NUP188: variants seen among roughly 807,000 people sequenced by gnomAD.
The protein encoded by NUP188 is nucleoporin NUP188.
A neutral mutation model predicts 223.0 loss-of-function variants in NUP188; 97 were observed. That is an observed-to-expected ratio of 0.43 (90% CI 0.37 to 0.51). The LOEUF is 0.51. NUP188 is among the 20% of genes least tolerant of loss of function. NUP188 has a pLI of 0.00. For synonymous variants in NUP188, 869 were observed against 828.0 expected (o/e 1.05, Z -0.85); for missense variants, 1,947 against 2,175.6 (o/e 0.89, Z 2.09).
intron 30 of NUP188, among the ~76,000 whole-genome samples, chr9:128,997,947 C>G (rs1447645097): frequency 1.3e-5 from 2 of 151,216 alleles, no homozygotes; most frequent in Non-Finnish European, 2.9e-5. Context: ...TCTTGATCTC[C>G]TGACCTCGTG....
intron 33 of NUP188, 87 bp from the exon 34 acceptor site, chr9:128,999,537 C>G (rs760547340): frequency 7.2e-6 from 10 of 1,398,566 alleles, no homozygotes; most frequent in Non-Finnish European, 9.9e-6. Flanking sequence ...TAGTACATCT[C>G]CAGCCCCTTC....
chr9:128,993,138 G>T, intron 25 of NUP188, 59 bp from the exon 26 acceptor site: 1 of 1,405,696 alleles, frequency 7.1e-7, no homozygotes, highest in Non-Finnish European at 1.0e-6. Context: ...TTCTGTGGGA[G>T]CCCATTGAGG....
At chr9:128,988,277 A>G in intron 24 of NUP188, 91 bp downstream of exon 24, 1 of 1,400,604 alleles carries the variant, frequency 7.1e-7, no homozygotes, top group Non-Finnish European at 9.9e-7. Flanking sequence ...GTGTTTTTGG[A>G]TGTCAACAGT....
At chr9:128,977,341 G>A (rs1447371130) in intron 12 of NUP188, among the ~76,000 whole-genome samples, 2 of 151,690 alleles carry the variant, frequency 1.3e-5, no homozygotes, top group Non-Finnish European at 2.9e-5. Flanking sequence ...GGATGGTCTC[G>A]ATCTCCTGAC....
intron 5 of NUP188, 75 bp from the exon 6 acceptor site, chr9:128,957,935 A>C (rs1043789827): frequency 9.6e-6 from 10 of 1,038,348 alleles, no homozygotes; most frequent in Non-Finnish European, 1.5e-5. Flanking sequence ...GGATGAAGTG[A>C]AGGTATCTAT....
rs150586963 is a variant in NUP188, at chr9:128,992,356, C to A, written c.2641-841C>A. 2.2e-3 allele frequency among the ~76,000 whole-genome samples: 330 copies of A among 152,250 alleles called. 4 individuals carry two copies. Among genetic ancestry groups the A allele is most frequent in the African/African-American group, 7.5e-3 (310 of 41,554 alleles). On this transcript the variant is annotated intron_variant, in intron 25 of 43. Coordinates refer to ENST00000372577, the MANE Select transcript of NUP188 (RefSeq NM_015354.3). ...TACAGGCGCCCACTACAACACCCAG[C>A]TGATTTTTTTGTATTTTTAGTAGGG...
At position 128,968,715 on chromosome 9, in the gene NUP188, T is replaced by G; in HGVS notation, c.795T>G (p.Ile265Met). ...DETMDPFVDRIGYFSALILVE... is the reference protein window; with the variant it reads ...DETMDPFVDRMGYFSALILVE... Reference sequence around the variant, plus strand: ...CTATGGATCCTTTTGTAGATCGGATTGGGTAAGTCAGTGAATTGAACATCA... The same window carrying G: ...CTATGGATCCTTTTGTAGATCGGATGGGGTAAGTCAGTGAATTGAACATCA... The change falls in exon 9 of 44, where the codon ATT (isoleucine) becomes ATG (methionine). Residue 265 changes from isoleucine (I) to methionine (M), a missense_variant and splice_region_variant. Transcript: ENST00000372577. The G allele has an allele frequency of 6.2e-7, 1 of 1,611,798 alleles. No homozygotes were observed. Among genetic ancestry groups the G allele is most frequent in the Non-Finnish European group, 8.5e-7 (1 of 1,177,936 alleles).
intron 10 of NUP188, among the ~76,000 whole-genome samples, chr9:128,970,238 T>TA (rs1257869134): frequency 6.6e-6 from 1 of 152,142 alleles, no homozygotes; most frequent in East Asian, 1.9e-4. Flanking sequence ...TCTACAATGT[T>TA]AAACAGTTGA....
chr9:128,976,173 GA>G, intron 12 of NUP188, among the ~76,000 whole-genome samples: 1 of 152,164 alleles, frequency 6.6e-6, no homozygotes, highest in Non-Finnish European at 1.5e-5. Context: ...TATCTTGTAA[GA>G]TTCTTGTGTA....
intron 38 of NUP188, chr9:129,003,859 G>A (rs1006433280): frequency 2.0e-5 from 6 of 307,318 alleles, no homozygotes; most frequent in Non-Finnish European, 3.7e-5. Context: ...TGTAATCCCA[G>A]CTACTCGGGA....
chr9:128,988,057 G>C lies in NUP188; in HGVS notation c.2404G>C (p.Glu802Gln). The change falls in exon 24 of 44, where the codon GAG becomes CAG. Residue 802 changes from glutamate (E) to glutamine (Q), a missense_variant. By Grantham distance (29) the Glu-to-Gln change is conservative. This residue lies in a region of NUP188 where 225 missense variants were observed against 319.1 expected (regional missense o/e 0.71). Transcript: ENST00000372577. ...MAAQPRSDGA[E>Q]GQGQGQLLIK... ...CATTTGGCACCCTAGTGATGGGGCA[G>C]AGGGCCAGGGGCAGGGCCAGCTGCT... 6.2e-7 allele frequency: 1 copy of C among 1,614,210 alleles called. No homozygotes were observed. The highest frequency in any genetic ancestry group is 8.5e-7 in the Non-Finnish European group (1 of 1,180,014).
chr9:128,982,943 C>G lies in NUP188; in HGVS notation c.1711C>G (p.Leu571Val). ...CCAGCGAGTCAAACCCATCATTGAT[C>G]TCGTCCATAAGGTCATCAGTACAGA... ...HCQRVKPIID[L>V]VHKVISTDLS... The change falls in exon 17 of 44, where the codon CTC becomes GTC. Residue 571 changes from leucine to valine, a missense_variant. Leu to Val is a conservative substitution (Grantham distance 32, BLOSUM62 1). Transcript: ENST00000372577. The G allele has an allele frequency of 6.2e-7, 1 of 1,614,148 alleles. No individual in the cohort carries two copies. The highest frequency in any genetic ancestry group is 8.5e-7 in the Non-Finnish European group (1 of 1,180,018).
intron 24 of NUP188, among the ~76,000 whole-genome samples, chr9:128,989,787 G>A (rs144181056): frequency 0.019 from 2,840 of 152,194 alleles, 62 homozygotes; most frequent in Middle Eastern, 0.1. Flanking sequence ...AGTCGAGATC[G>A]TGCCACTGCA....
In NUP188 at chr9:128,987,713, C is replaced by G; in HGVS notation, c.2389C>G (p.Arg797Gly). 1.2e-6 allele frequency: 2 copies of G among 1,613,342 alleles called. No homozygotes were observed. Among genetic ancestry groups the G allele is most frequent in the Non-Finnish European group, 1.7e-6 (2 of 1,179,760 alleles). Reference protein sequence around the residue: ...TIDMVMAAQPRSDGAEGQGQG... With the variant: ...TIDMVMAAQPGSDGAEGQGQG... ...TGACATGGTGATGGCTGCTCAGCCTCGAAGGTAGGGCTCCTTCTCCACGTT... is the reference window on the plus strand; with the variant it reads ...TGACATGGTGATGGCTGCTCAGCCTGGAAGGTAGGGCTCCTTCTCCACGTT... Residue 797 changes from arginine (R) to glycine (G), a missense_variant, in exon 23 of 44, where the codon CGA (arginine) becomes GGA (glycine). Physicochemically the swap from Arg to Gly is moderately radical, Grantham distance 125 (BLOSUM62 -2). Coordinates refer to ENST00000372577, the MANE Select transcript of NUP188 (RefSeq NM_015354.3).
intron 30 of NUP188, 62 bp from the exon 31 acceptor site, chr9:128,998,089 T>A: frequency 8.6e-7 from 1 of 1,160,582 alleles, no homozygotes; most frequent in South Asian, 1.2e-5. Context: ...GGACCCCATG[T>A]TTCTTGGCCT....
rs1554831732 is a variant in NUP188 at position 129,006,487 on chromosome 9, C to T, written c.5074-15C>T. On this transcript the variant is annotated splice_polypyrimidine_tract_variant and intron_variant, in intron 43 of 43. Coordinates refer to ENST00000372577, the MANE Select transcript of NUP188 (RefSeq NM_015354.3). ...AGATGTGCTGAGCCTCACCAAGCCA[C>T]TTTTTTTCTTGTAGAGCACGCTGCT... is the stretch of plus-strand genomic sequence containing the variant. The T allele has an allele frequency of 2.5e-6, 4 of 1,611,796 alleles. No homozygotes were observed. The highest frequency in any genetic ancestry group is 2.5e-6 in the Non-Finnish European group (3 of 1,179,144).
chr9:128,970,228 T>C (rs1826498868), intron 10 of NUP188, among the ~76,000 whole-genome samples: 1 of 152,120 alleles, frequency 6.6e-6, no homozygotes, highest in African/African-American at 2.4e-5. Flanking sequence ...GTGCCCGGCC[T>C]CTACAATGTT....
intron 23 of NUP188, 131 bp downstream of exon 23, chr9:128,987,848 A>G (rs1429531928): frequency 7.8e-7 from 1 of 1,286,754 alleles, no homozygotes; most frequent in Non-Finnish European, 1.1e-6. Context: ...TAGCCTTTAC[A>G]TACCCTAGTG....
In NUP188 at chr9:128,954,591, C is replaced by G. The variant is rs970303450; in HGVS notation, c.161+1745C>G. ...AGTAGAGACAGGGTTTCACTGTGTT[C>G]GCCAGGATGGTCTCAATCTCCTGAC... On this transcript the variant is annotated intron_variant, in intron 3 of 43. Transcript: ENST00000372577. Among the ~76,000 whole-genome samples, 4 of 151,666 alleles carry G rather than the reference C, an allele frequency of 2.6e-5. 1 individual carries two copies. In the South Asian group the frequency reaches 8.3e-4, roughly 32 times the overall value.
Sources: allele counts gnomAD v4.1 joint callset (sites outside exome capture counted in the v4.1 genomes callset), GRCh38; gene constraint gnomAD v4.1.1; regional missense constraint gnomAD v4.1.1; transcripts MANE v1.5; gene names NCBI Gene and HGNC (gene_info 2026-07-23, HGNC 2026-07-21).